UBE2H: variants seen among roughly 807,000 people sequenced by gnomAD.
UBE2H encodes the protein ubiquitin-conjugating enzyme E2 H.
In UBE2H, 3 loss-of-function variants were observed where a neutral mutation model predicts 29.0. That is an observed-to-expected ratio of 0.10 (90% confidence interval 0.05 to 0.27). The LOEUF is 0.27. UBE2H is among the 10% of genes least tolerant of loss of function. UBE2H has a pLI of 1.00. For synonymous variants in UBE2H, 69 were observed against 82.9 expected (o/e 0.83, Z 0.91); for missense variants, 68 against 228.2 (o/e 0.30, Z 4.52).
intron 3 of UBE2H, among the ~76,000 whole-genome samples, chr7:129,861,827 G>A (rs56117230): frequency 0.062 from 9,425 of 152,226 alleles, 366 homozygotes; most frequent in Non-Finnish European, 0.092. Flanking sequence ...GGAGGTGGCT[G>A]CAGTGAGCCG....
At chr7:129,835,759 A>C (rs1345927402) in intron 6 of UBE2H, among the ~76,000 whole-genome samples, 1 of 152,180 alleles carries the variant, frequency 6.6e-6, no homozygotes, top group East Asian at 1.9e-4. Context: ...AAAAACTCTA[A>C]GTGCATACTG....
chr7:129,947,742 C>T (rs1204879263), intron 1 of UBE2H, among the ~76,000 whole-genome samples: 2 of 16,980 alleles, frequency 1.2e-4, no homozygotes, highest in Admixed American at 1.2e-3. Context: ...CCTGTCCTTT[C>T]CGACTAAAAA....
chr7:129,949,421 G>GTT lies in UBE2H; in HGVS notation c.53+3080_53+3081dup, dbSNP rs143376058. Among the ~76,000 whole-genome samples the GTT allele has an allele frequency of 2.6e-5, 4 of 151,994 alleles. No homozygotes were observed. In the East Asian group the frequency reaches 5.8e-4, roughly 22 times the overall value. On this transcript the variant is annotated intron_variant, in intron 1 of 6. Coordinates refer to ENST00000355621, the MANE Select transcript of UBE2H (RefSeq NM_003344.4). ...CCATAGGATCTGGGCTAACTGCAAG[G>GTT]TTTTTTTACTGGGACACATTCCTAA...
intron 1 of UBE2H, among the ~76,000 whole-genome samples, chr7:129,891,253 T>C (rs1004503428): frequency 1.3e-5 from 2 of 151,968 alleles, no homozygotes; most frequent in Admixed American, 1.3e-4. Flanking sequence ...TGGTGCCATC[T>C]TGGCTCACCG....
intron 1 of UBE2H, among the ~76,000 whole-genome samples, chr7:129,940,660 G>A (rs1807622532): frequency 6.6e-6 from 1 of 152,174 alleles, no homozygotes; most frequent in African/African-American, 2.4e-5. Flanking sequence ...TTAAGCATAT[G>A]GCTGCCATGT....
intron 1 of UBE2H, among the ~76,000 whole-genome samples, chr7:129,944,108 G>A (rs1344804302): frequency 6.6e-6 from 1 of 152,054 alleles, no homozygotes; most frequent in African/African-American, 2.4e-5. Context: ...TGTAATCCCA[G>A]CACTTTGGGA....
chr7:129,930,900 C>T, intron 1 of UBE2H, among the ~76,000 whole-genome samples: 2 of 108,256 alleles, frequency 1.8e-5, no homozygotes, highest in Admixed American at 1.1e-4. Flanking sequence ...AGAGCGAGAC[C>T]CCGTCTCACA....
At chr7:129,883,400 G>C (rs1161404117) in intron 1 of UBE2H, among the ~76,000 whole-genome samples, 3 of 152,128 alleles carry the variant, frequency 2.0e-5, no homozygotes, top group Admixed American at 2.0e-4. Context: ...CAATACATAT[G>C]GATAGTTACA....
At chr7:129,901,351 GGA>G (rs1806710828) in intron 1 of UBE2H, among the ~76,000 whole-genome samples, 1 of 152,150 alleles carries the variant, frequency 6.6e-6, no homozygotes, top group Non-Finnish European at 1.5e-5. Context: ...CAGGGCTTCT[GGA>G]GAGGAGTGTG....
intron 1 of UBE2H, among the ~76,000 whole-genome samples, chr7:129,927,262 C>T (rs964512345): frequency 1.3e-5 from 2 of 152,040 alleles, no homozygotes; most frequent in African/African-American, 4.8e-5. Context: ...GGCAACTTCG[C>T]CAGGTGCGGT....
intron 1 of UBE2H, among the ~76,000 whole-genome samples, chr7:129,929,170 T>C (rs530720928): frequency 6.6e-5 from 10 of 151,726 alleles, no homozygotes; most frequent in Non-Finnish European, 1.3e-4. Flanking sequence ...AATACAAAAT[T>C]AGCTGGCGTG....
intron 1 of UBE2H, among the ~76,000 whole-genome samples, chr7:129,941,100 G>A (rs775048416): frequency 3.9e-5 from 6 of 152,102 alleles, no homozygotes; most frequent in African/African-American, 7.2e-5. Context: ...GACTACAGGC[G>A]CAAGCCACCA....
In UBE2H at chr7:129,833,448, T is replaced by A. The variant is rs1182876014; in HGVS notation, c.*1489A>T. ...CGGCAAAAAAAGAACACAGAGCTGC[T>A]GTCTAAAATTTCTCCAAACTCCCCT... On this transcript the variant is annotated 3_prime_UTR_variant, in exon 7 of 7. Coordinates refer to ENST00000355621, the MANE Select transcript of UBE2H (RefSeq NM_003344.4). 4 of 152,260 alleles carry A rather than the reference T, an allele frequency of 2.6e-5. No homozygotes were observed. The highest frequency in any genetic ancestry group is 5.9e-5 in the Non-Finnish European group (4 of 68,040). 9.4% of individuals were successfully genotyped at this position (152,260 alleles called of 1,614,324 possible). A position where few individuals can be genotyped will look rare whatever the true frequency, so the allele number is the denominator to read the frequency against.
rs1451791620 is a variant in UBE2H at position 129,870,184 on chromosome 7, C to T, written c.205+9384G>A. Among the ~76,000 whole-genome samples the T allele has an allele frequency of 2.0e-5, 3 of 152,176 alleles. No homozygotes were observed. In the South Asian group the frequency reaches 6.2e-4, roughly 32 times the overall value. The stretch of plus-strand genomic sequence containing the variant: ...TTCTCAAACACCAGGCCTCTGGGTT[C>T]TGATCCTGCTCCCTCCTTCCTTCTC... On this transcript the variant is annotated intron_variant, in intron 3 of 6. Coordinates refer to ENST00000355621, the MANE Select transcript of UBE2H (RefSeq NM_003344.4).
At chr7:129,841,904 C>T (rs1805436129) in intron 5 of UBE2H, among the ~76,000 whole-genome samples, 1 of 152,078 alleles carries the variant, frequency 6.6e-6, no homozygotes, top group Admixed American at 6.5e-5. Flanking sequence ...GTTTTATCTA[C>T]AATTTTTTTA....
chr7:129,897,862 A>G (rs939988289), intron 1 of UBE2H, among the ~76,000 whole-genome samples: 2 of 152,360 alleles, frequency 1.3e-5, no homozygotes, highest in Middle Eastern at 3.4e-3. Flanking sequence ...AATTCTGCTT[A>G]AAAACTATAC....
chr7:129,834,770 G>A lies in UBE2H; in HGVS notation c.*167C>T. The A allele has an allele frequency of 2.4e-6, 2 of 819,542 alleles. No homozygotes were observed. The highest frequency in any genetic ancestry group is 3.6e-6 in the Non-Finnish European group (2 of 563,094). The allele number at this position is 819,542 out of a possible 1,614,324, so 50.8% of individuals were successfully genotyped here. ...GCACCTCAGGTTGAGAAATGACCAA[G>A]AAATCAAGATCTAAAGGGTGATATA... On this transcript the variant is annotated 3_prime_UTR_variant, in exon 7 of 7. Coordinates refer to ENST00000355621, the MANE Select transcript of UBE2H (RefSeq NM_003344.4).
chr7:129,900,370 T>A (rs1460079257), intron 1 of UBE2H, among the ~76,000 whole-genome samples: 1 of 152,256 alleles, frequency 6.6e-6, no homozygotes. Context: ...CCATAGAGTT[T>A]ACCCTTGACT....
chr7:129,877,942 T>C (rs1200011571), intron 3 of UBE2H, among the ~76,000 whole-genome samples: 1 of 152,240 alleles, frequency 6.6e-6, no homozygotes, highest in Non-Finnish European at 1.5e-5. Flanking sequence ...TTAACAAAAC[T>C]AGACTTAGCA....
Sources: gnomAD v4.1 joint callset for allele counts (sites outside exome capture counted in the v4.1 genomes callset) on GRCh38, gnomAD v4.1.1 for gene constraint, MANE v1.5 for transcripts, NCBI Gene and HGNC (gene_info 2026-07-23, HGNC 2026-07-21) for gene names.